Variants in TMEM171 observed in about 807,000 individuals in gnomAD.
The protein encoded by TMEM171 is transmembrane protein 171.
TMEM171 carries 16 observed loss-of-function variants against 19.1 expected under a neutral mutation model. That is an observed-to-expected ratio of 0.84 (90% CI 0.57 to 1.27). TMEM171 has a LOEUF of 1.27. Among genes scored for constraint, TMEM171 ranks in the 50% most tolerant of loss-of-function variants. TMEM171 has a pLI of 0.00. For synonymous variants in TMEM171, 153 were observed against 163.4 expected (o/e 0.94, Z 0.48); for missense variants, 429 against 412.7 (o/e 1.04, Z -0.34).
intron 2 of TMEM171, among the ~76,000 whole-genome samples, chr5:73,127,577 C>T (rs915128212): frequency 1.3e-5 from 2 of 150,944 alleles, no homozygotes; most frequent in Non-Finnish European, 2.9e-5. Context: ...GCTGGGATTA[C>T]AGGCGCCTGC....
At chr5:73,126,603 A>G (rs984241341) in intron 2 of TMEM171, among the ~76,000 whole-genome samples, 4 of 152,288 alleles carry the variant, frequency 2.6e-5, no homozygotes, top group African/African-American at 7.2e-5. Context: ...AAATCAGTCC[A>G]TCTAGTCCTT....
chr5:73,128,190 C>T lies in TMEM171; in HGVS notation c.641-200C>T, dbSNP rs74479132. 1.7e-3 allele frequency among the ~76,000 whole-genome samples: 255 copies of T among 152,310 alleles called. 1 individual carries two copies. The East Asian group carries it at 0.039, about 23-fold the overall frequency. On this transcript the variant is annotated intron_variant, in intron 2 of 3. Transcript: ENST00000454765. ...GCAATTCCCACTCCCTTCCTCCTCCCGAACCCCTCCTAGCCCCTGGTAACC... is the reference window on the plus strand; with the variant it reads ...GCAATTCCCACTCCCTTCCTCCTCCTGAACCCCTCCTAGCCCCTGGTAACC...
Position 73,127,384 on chromosome 5 carries a change from A to AAAAAATATATATAT in TMEM171, c.641-1005_641-1004insAAAATATATATATA. The stretch of plus-strand genomic sequence containing the variant: ...AAATTTGTGGTAAAAAAAAAAAAAA[A>AAAAAATATATATAT]ATATATATATATATATATATATAAA... On this transcript the variant is annotated intron_variant, in intron 2 of 3. Transcript: ENST00000454765. Among the ~76,000 whole-genome samples, 229 of 81,622 alleles carry AAAAAATATATATAT rather than the reference A, an allele frequency of 2.8e-3. 2 individuals are homozygous for AAAAAATATATATAT. The highest frequency in any genetic ancestry group is 0.014 in the African/African-American group (214 of 15,168). The allele number at this position is 81,622 out of a possible 152,430, so 53.5% of individuals were successfully genotyped here.
At position 73,123,489 on chromosome 5, in the gene TMEM171, T is replaced by G. The variant is rs1270988654; in HGVS notation, c.116T>G (p.Leu39Arg). ...GTCTTGTTGTGTGTGGGAGTCCTGCTCTCCATCTTTGGGTTCCAGGCATGC... is the reference window on the plus strand; with the variant it reads ...GTCTTGTTGTGTGTGGGAGTCCTGCGCTCCATCTTTGGGTTCCAGGCATGC... ...GAVLLCVGVL[L>R]SIFGFQACQY... The change falls in exon 2 of 4, where the codon CTC becomes CGC. Residue 39 changes from leucine to arginine, a missense_variant. By Grantham distance (102) the Leu-to-Arg change is moderately radical (BLOSUM62 -2). Transcript: ENST00000454765. 8 of 1,614,090 alleles carry G rather than the reference T, an allele frequency of 5.0e-6. No individual in the cohort carries two copies. The highest frequency in any genetic ancestry group is 6.8e-6 in the Non-Finnish European group (8 of 1,180,030).
At chr5:73,122,691 G>A (rs373876029) in intron 1 of TMEM171, among the ~76,000 whole-genome samples, 22 of 152,318 alleles carry the variant, frequency 1.4e-4, no homozygotes, top group African/African-American at 5.1e-4. Flanking sequence ...AAGCCACCAC[G>A]CCTGGCCTCA....
chr5:73,122,752 T>C (rs1744038199), intron 1 of TMEM171, among the ~76,000 whole-genome samples: 1 of 152,232 alleles, frequency 6.6e-6, no homozygotes. Flanking sequence ...ACCCACTGTG[T>C]TCCTGAACAG....
At chr5:73,129,797 C>T (rs1580239709) in intron 3 of TMEM171, among the ~76,000 whole-genome samples, 2 of 152,326 alleles carry the variant, frequency 1.3e-5, no homozygotes, top group East Asian at 3.9e-4. Flanking sequence ...ACTCTGATGG[C>T]CGTGCTTGGG....
intron 2 of TMEM171, among the ~76,000 whole-genome samples, chr5:73,128,007 A>G (rs369628482): frequency 3.3e-5 from 5 of 152,264 alleles, no homozygotes; most frequent in African/African-American, 1.2e-4. Context: ...AGCTTCCCGA[A>G]GTGGTGGGAT....
intron 2 of TMEM171, among the ~76,000 whole-genome samples, chr5:73,127,865 C>T (rs577194091): frequency 1.8e-4 from 28 of 151,962 alleles, no homozygotes; most frequent in East Asian, 1.2e-3. Context: ...CTCAGCCTTC[C>T]GAGTAGCTGG....
intron 2 of TMEM171, among the ~76,000 whole-genome samples, chr5:73,127,095 A>G (rs1234112079): frequency 6.6e-6 from 1 of 152,130 alleles, no homozygotes; most frequent in Non-Finnish European, 1.5e-5. Flanking sequence ...AGGGGCTGTA[A>G]TATGGCTTAC....
chr5:73,131,663 G>C lies in TMEM171; in HGVS notation c.908G>C (p.Arg303Thr). ...TPHLPSELPP[R>T]YEEKENAAAT... ...CATCTTCCATCTGAATTGCCTCCTAGATATGAAGAAAAAGAAAATGCTGCA... is the reference window on the plus strand; with the variant it reads ...CATCTTCCATCTGAATTGCCTCCTACATATGAAGAAAAAGAAAATGCTGCA... The change falls in exon 4 of 4, where the codon AGA (arginine) becomes ACA (threonine). Residue 303 changes from arginine to threonine, a missense_variant. Physicochemically the swap from Arg to Thr is moderately conservative, Grantham distance 71. Transcript: ENST00000454765. 6.2e-7 allele frequency: 1 copy of C among 1,613,756 alleles called. No homozygotes were observed.
Position 73,127,382 on chromosome 5 carries a change from AAAAT to A in TMEM171, c.641-1006_641-1003del, listed in dbSNP as rs1181922454. Among the ~76,000 whole-genome samples, 312 of 68,280 alleles carry A rather than the reference AAAAT, an allele frequency of 4.6e-3. 4 individuals carry two copies. Among genetic ancestry groups the A allele is most frequent in the South Asian group, 0.032 (64 of 2,008 alleles). 44.8% of individuals were successfully genotyped at this position (68,280 alleles called of 152,430 possible). On this transcript the variant is annotated intron_variant, in intron 2 of 3. Coordinates refer to ENST00000454765, the MANE Select transcript of TMEM171 (RefSeq NM_173490.8). ...AAAAATTTGTGGTAAAAAAAAAAAA[AAAAT>A]ATATATATATATATATATATAAAGC...
intron 1 of TMEM171, among the ~76,000 whole-genome samples, chr5:73,122,507 G>T (rs988380215): frequency 1.2e-4 from 19 of 152,204 alleles, no homozygotes; most frequent in African/African-American, 4.6e-4. Context: ...CTGGGCTCAA[G>T]CAATCCTCCC....
At chr5:73,123,262 A>G in intron 1 of TMEM171, 44 bp from the exon 2 acceptor site, 1 of 1,497,430 alleles carries the variant, frequency 6.7e-7, no homozygotes, top group Non-Finnish European at 8.9e-7. Context: ...GTGGTTCTGG[A>G]ACACCTGTGC....
At chr5:73,129,142 T>C (rs1375118858) in intron 3 of TMEM171, among the ~76,000 whole-genome samples, 1 of 151,998 alleles carries the variant, frequency 6.6e-6, no homozygotes, top group African/African-American at 2.4e-5. Flanking sequence ...AAAAGCAAAA[T>C]TTTATTGAAA....
chr5:73,125,240 T>C (rs1744129035), intron 2 of TMEM171, among the ~76,000 whole-genome samples: 1 of 152,188 alleles, frequency 6.6e-6, no homozygotes, highest in East Asian at 1.9e-4. Context: ...ATATTCACAA[T>C]AGCTAACACT....
chr5:73,127,378 A>ATATATATATATATATATATAT (rs1216141842), intron 2 of TMEM171, among the ~76,000 whole-genome samples: 4 of 63,236 alleles, frequency 6.3e-5, no homozygotes, highest in African/African-American at 3.7e-4. Context: ...GTAAAAAAAA[A>ATATATATATATATATATATAT]AAAAAAATAT....
At position 73,131,532 on chromosome 5, in the gene TMEM171, C is replaced by T. The variant is rs775737139; in HGVS notation, c.783-6C>T. On this transcript the variant is annotated splice_region_variant and splice_polypyrimidine_tract_variant and intron_variant, in intron 3 of 3. Transcript: ENST00000454765. ...TCCCCTTCATGTTCTCTCTCCTTCT[C>T]TTTAGCAGGACCCCAACTTCAGAGG... 1 of 1,589,862 alleles carries T rather than the reference C, an allele frequency of 6.3e-7. No individual in the cohort carries two copies. The highest frequency in any genetic ancestry group is 8.5e-7 in the Non-Finnish European group (1 of 1,169,620).
intron 1 of TMEM171, among the ~76,000 whole-genome samples, chr5:73,121,695 T>C (rs1744011524): frequency 6.6e-6 from 1 of 152,224 alleles, no homozygotes; most frequent in African/African-American, 2.4e-5. Flanking sequence ...TCTGATTCTA[T>C]CATACTTTTT....
Sources: gnomAD v4.1 joint callset for allele counts (sites outside exome capture counted in the v4.1 genomes callset) on GRCh38, gnomAD v4.1.1 for gene constraint, MANE v1.5 for transcripts, NCBI Gene and HGNC (gene_info 2026-07-23, HGNC 2026-07-21) for gene names.